The following NDUFS2 variants were observed in gnomAD, a reference collection of about 807,000 sequenced individuals.
NDUFS2 encodes the protein NADH:ubiquinone oxidoreductase core subunit S2.
A neutral mutation model predicts 69.6 loss-of-function variants in NDUFS2; 38 were observed. The ratio of observed to expected loss-of-function variants is 0.55; its 90% CI spans 0.42 to 0.72. The LOEUF (loss-of-function observed/expected upper bound fraction) is 0.72, where lower values mean the gene tolerates loss of function less well. Among genes scored for constraint, NDUFS2 ranks in the 30% least tolerant of loss-of-function variants. The probability of loss-of-function intolerance (pLI) is 0.00; values close to 1 mark genes in which losing one functional copy is unlikely to be tolerated. For synonymous variants in NDUFS2, 194 were observed against 211.2 expected (o/e 0.92, Z 0.70); for missense variants, 468 against 595.0 (o/e 0.79, Z 2.22).
intron 10 of NDUFS2, 149 bp downstream of exon 10, chr1:161,212,629 G>A (rs902387491): frequency 1.2e-5 from 12 of 1,018,080 alleles, no homozygotes; most frequent in African/African-American, 4.9e-5. Flanking sequence ...GTGCAATCTC[G>A]GCTAACTGCA....
At chr1:161,198,139 C>G (rs746125620), upstream of NDUFS2, 1 of 1,614,044 alleles carries the variant, frequency 6.2e-7, no homozygotes, top group South Asian at 1.1e-5. The surrounding 1 kb of genome is among the most constrained non-coding windows in gnomAD (Gnocchi z 4.7). Context: ...CCTCCAGGGG[C>G]TGGAGGTGGA....
At chr1:161,203,575 A>G in intron 2 of NDUFS2, 32 bp downstream of exon 2, 1 of 1,526,040 alleles carries the variant, frequency 6.6e-7, no homozygotes, top group Non-Finnish European at 9.1e-7. Context: ...CCCAACCCAC[A>G]CCCATCCCTG....
chr1:161,212,376 C>G lies in NDUFS2; in HGVS notation c.1012C>G (p.Arg338Gly). 1 of 1,613,492 alleles carries G rather than the reference C, an allele frequency of 6.2e-7. No individual in the cohort carries two copies. The highest frequency in any genetic ancestry group is 8.5e-7 in the Non-Finnish European group (1 of 1,179,654). ...GTACCTGTGCCGGGTGGAGGAGATG[C>G]GCCAGTCCCTGAGAATTATCGCACA... is the stretch of plus-strand genomic sequence containing the variant. ...DRYLCRVEEM[R>G]QSLRIIAQCL... is the part of the protein sequence containing the mutation. The change falls in exon 10 of 14, where the codon CGC (arginine) becomes GGC (glycine). Residue 338 changes from arginine (R) to glycine (G), a missense_variant. This residue lies in a region of NDUFS2 where 339 missense variants were observed against 433.8 expected (regional missense o/e 0.78). Transcript: ENST00000676972.
Position 161,204,806 on chromosome 1 carries a change from T to A in NDUFS2, c.202+1263T>A, listed in dbSNP as rs562837203. ...AAAGCCCGGATGCGGTGGCTCACAC[T>A]TTGGGAGGCCGAGGTGGGCGGATCA... On this transcript the variant is annotated intron_variant, in intron 2 of 13. Transcript: ENST00000676972. Among the ~76,000 whole-genome samples the A allele has an allele frequency of 5.3e-5, 8 of 152,238 alleles. No individual in the cohort carries two copies. The East Asian group carries it at 1.5e-3, about 29-fold the overall frequency.
At chr1:161,210,089 A>G (rs1208371913) in intron 6 of NDUFS2, 22 bp from the exon 7 acceptor site, 1 of 1,609,258 alleles carries the variant, frequency 6.2e-7, no homozygotes, top group African/African-American at 1.3e-5. Context: ...CACATTCAGT[A>G]GCACTTCCGT....
rs1214067270 is a variant in NDUFS2 at position 161,213,703 on chromosome 1, A to C, written c.1267A>C (p.Lys423Gln). The C allele has an allele frequency of 6.2e-7, 1 of 1,614,220 alleles. No homozygotes were observed. The highest frequency in any genetic ancestry group is 2.2e-5 in the East Asian group (1 of 44,888). The change falls in exon 12 of 14, where the codon AAG becomes CAG. Residue 423 changes from lysine (K) to glutamine (Q), a missense_variant. By Grantham distance (53) the Lys-to-Gln change is moderately conservative. This residue lies in a region of NDUFS2 where 72 missense variants were observed against 118.9 expected (regional missense o/e 0.61). Coordinates refer to ENST00000676972, the MANE Select transcript of NDUFS2 (RefSeq NM_001377299.1). ...TGGCAGCAGCCGCCCTTATCGATGC[A>C]AGATCAAGGCTCCTGGTTTTGCCCA... ...SDGSSRPYRC[K>Q]IKAPGFAHLA...
chr1:161,202,300 G>A, upstream of NDUFS2: 1 of 1,357,246 alleles, frequency 7.4e-7, no homozygotes, highest in South Asian at 1.2e-5. Flanking sequence ...CGGCTTCACT[G>A]TGCGAATAGG....
At chr1:161,210,068 G>A (rs746238641) in intron 6 of NDUFS2, 43 bp from the exon 7 acceptor site, 2 of 1,602,348 alleles carry the variant, frequency 1.2e-6, no homozygotes, top group Non-Finnish European at 1.7e-6. Context: ...TCTCCTTAGT[G>A]AAGGCTATGC....
At chr1:161,202,679 A>C (rs1665208515) in intron 1 of NDUFS2, among the ~76,000 whole-genome samples, 199 bp downstream of exon 1, 1 of 152,172 alleles carries the variant, frequency 6.6e-6, no homozygotes, top group African/African-American at 2.4e-5. Context: ...TGCCGAGGTG[A>C]AATCAGCGGA....
chr1:161,205,659 T>G (rs1665418347), intron 2 of NDUFS2, among the ~76,000 whole-genome samples: 1 of 152,024 alleles, frequency 6.6e-6, no homozygotes, highest in African/African-American at 2.4e-5. Flanking sequence ...TCCCAGCTAC[T>G]CTGGAGGCTG....
rs1665476255 is a variant in NDUFS2, at chr1:161,206,549, C to G, written c.345C>G (p.Leu115=). ...MVRKCDPHIG[L]LHRGTEKLIE... is the part of the protein sequence containing the mutation. Reference sequence around the variant, plus strand: ...GGAAGTGTGATCCTCACATCGGGCTCCTGCACCGAGGCACTGAGAAGCTCA... The same window carrying G: ...GGAAGTGTGATCCTCACATCGGGCTGCTGCACCGAGGCACTGAGAAGCTCA... The change falls in exon 3 of 14, where the codon CTC becomes CTG. Residue 115 remains leucine, a synonymous_variant. Transcript: ENST00000676972. 1.2e-6 allele frequency: 2 copies of G among 1,614,050 alleles called. No homozygotes were observed. The highest frequency in any genetic ancestry group is 1.7e-6 in the Non-Finnish European group (2 of 1,180,052).
Position 161,210,583 on chromosome 1 carries a change from C to G in NDUFS2, c.867-8C>G. ...GAGTGGCCCTTATTCCCATTATGCT[C>G]TCCACAGTGGAGTGATGCTTCGGGG... On this transcript the variant is annotated splice_polypyrimidine_tract_variant and splice_region_variant and intron_variant, in intron 8 of 13. Coordinates refer to ENST00000676972, the MANE Select transcript of NDUFS2 (RefSeq NM_001377299.1). The G allele has an allele frequency of 2.5e-6, 4 of 1,614,132 alleles. No individual in the cohort carries two copies. Among genetic ancestry groups the G allele is most frequent in the Non-Finnish European group, 3.4e-6 (4 of 1,180,026 alleles).
At chr1:161,208,546 C>T (rs1057309063) in intron 3 of NDUFS2, among the ~76,000 whole-genome samples, 149 of 152,018 alleles carry the variant, frequency 9.8e-4, no homozygotes, top group African/African-American at 3.4e-3. Flanking sequence ...GTGATCTACC[C>T]GCCTCGGCCT....
rs746812658 is a variant in NDUFS2, at chr1:161,206,583, A to C, written c.379A>C (p.Lys127Gln). The change falls in exon 3 of 14, where the codon AAG becomes CAG. Residue 127 changes from lysine (K) to glutamine (Q), a missense_variant. Physicochemically the swap from Lys to Gln is moderately conservative, Grantham distance 53. Around this residue, in one of 3 missense-constraint regions of NDUFS2, gnomAD observed 339 missense variants for 433.8 expected, o/e 0.78. Coordinates refer to ENST00000676972, the MANE Select transcript of NDUFS2 (RefSeq NM_001377299.1). ...HRGTEKLIEY[K>Q]TYLQALPYFD... ...AGGCACTGAGAAGCTCATTGAATAC[A>C]AGACCTATCTTCAGGTGTGGGGGGT... 1 of 1,613,616 alleles carries C rather than the reference A, an allele frequency of 6.2e-7. No individual in the cohort carries two copies. The highest frequency in any genetic ancestry group is 1.1e-5 in the South Asian group (1 of 91,054).
At chr1:161,213,194 C>T (rs1665867990) in intron 10 of NDUFS2, 186 bp from the exon 11 acceptor site, 2 of 578,120 alleles carry the variant, frequency 3.5e-6, no homozygotes, top group East Asian at 3.4e-5. Flanking sequence ...TGAGTCACCG[C>T]ACCCGGCCAT....
At chr1:161,198,461 G>A (rs760207615), upstream of NDUFS2, 16 of 1,573,136 alleles carry the variant, frequency 1.0e-5, no homozygotes, top group Non-Finnish European at 1.4e-5. The surrounding 1 kb of genome is among the most constrained non-coding windows in gnomAD (Gnocchi z 4.7). Context: ...CTCCTCCCGG[G>A]GGAGGGGGCT....
intron 3 of NDUFS2, among the ~76,000 whole-genome samples, chr1:161,207,273 G>C (rs578261047): frequency 6.6e-6 from 1 of 152,332 alleles, no homozygotes; most frequent in African/African-American, 2.4e-5. Flanking sequence ...TCTGGTCCTG[G>C]AGTCTATGGG....
At chr1:161,198,950 G>A (rs1664995931), upstream of NDUFS2, 1 of 305,334 alleles carries the variant, frequency 3.3e-6, no homozygotes, top group Non-Finnish European at 6.0e-6. This position sits in a 1 kb window ranked among gnomAD's most constrained non-coding sequence, Gnocchi z 4.7. Context: ...CCGCTTCTGT[G>A]CCTGCCCTGT....
chr1:161,206,492 A>C lies in NDUFS2; in HGVS notation c.288A>C (p.Arg96=). 1 of 1,614,242 alleles carries C rather than the reference A, an allele frequency of 6.2e-7. No individual in the cohort carries two copies. The highest frequency in any genetic ancestry group is 8.5e-7 in the Non-Finnish European group (1 of 1,180,042). ...ACCCAGCAGCGCATGGTGTCCTGCG[A>C]CTAGTGATGGAATTGAGTGGGGAGA... ...PQHPAAHGVL[R]LVMELSGEMV... is the part of the protein sequence containing the mutation. Residue 96 remains arginine, a synonymous_variant, in exon 3 of 14, where the codon CGA becomes CGC. Coordinates refer to ENST00000676972, the MANE Select transcript of NDUFS2 (RefSeq NM_001377299.1).
Sources: allele counts gnomAD v4.1 joint callset (sites outside exome capture counted in the v4.1 genomes callset), GRCh38; gene constraint gnomAD v4.1.1; regional missense constraint gnomAD v4.1.1; non-coding constraint Gnocchi (gnomAD v3.1); transcripts MANE v1.5; gene names NCBI Gene and HGNC (gene_info 2026-07-23, HGNC 2026-07-21).